Variants in ANKRD28 observed in about 807,000 individuals in gnomAD.
The protein encoded by ANKRD28 is ankyrin repeat domain 28.
A neutral mutation model predicts 126.5 loss-of-function variants in ANKRD28; 44 were observed. The ratio of observed to expected loss-of-function variants is 0.35; its 90% CI spans 0.27 to 0.45. The LOEUF is 0.45. ANKRD28 is among the 20% of genes least tolerant of loss of function. ANKRD28 has a pLI of 1.00. For missense variants in ANKRD28, 1,110 were observed against 1,316.6 expected, an observed-to-expected ratio of 0.84 and a Z score of 2.43; for synonymous variants, 442 against 468.5, an observed-to-expected ratio of 0.94 and a Z score of 0.73.
chr3:15,832,527 C>T (rs1559582677), intron 1 of ANKRD28, among the ~76,000 whole-genome samples: 1 of 152,192 alleles, frequency 6.6e-6, no homozygotes, highest in Non-Finnish European at 1.5e-5. Flanking sequence ...GCACTTACTG[C>T]ATTGTGATGA....
At chr3:15,792,875 TAAG>T (rs1304989865) in intron 2 of ANKRD28, among the ~76,000 whole-genome samples, 3 of 152,110 alleles carry the variant, frequency 2.0e-5, no homozygotes, top group African/African-American at 7.2e-5. Flanking sequence ...CCCACTAAAA[TAAG>T]AAGAAAAATC....
rs546134537 is a variant in ANKRD28 at position 15,670,424 on chromosome 3, T to A, written c.3098A>T (p.Tyr1033Phe). ...GCTGACTGTTTTTGAGGTGTTGGTA[T>A]AACGGTTAATGGCATTGAATGTTAA... Reference protein sequence around the residue: ...SSLTFNAINRYTNTSKTVSFE... With the variant: ...SSLTFNAINRFTNTSKTVSFE... Residue 1033 changes from tyrosine (Y) to phenylalanine (F), a missense_variant, in exon 28 of 28, where the codon TAT (tyrosine) becomes TTT (phenylalanine). Coordinates refer to ENST00000683139, the MANE Select transcript of ANKRD28 (RefSeq NM_001349278.2). 6.2e-7 allele frequency: 1 copy of A among 1,613,994 alleles called. No individual in the cohort carries two copies. Among genetic ancestry groups the A allele is most frequent in the Admixed American group, 1.7e-5 (1 of 60,024 alleles).
intron 2 of ANKRD28, among the ~76,000 whole-genome samples, chr3:15,771,635 T>C (rs2059015367): frequency 6.6e-6 from 1 of 152,148 alleles, no homozygotes; most frequent in Non-Finnish European, 1.5e-5. Flanking sequence ...CCAATCCATT[T>C]ATAAAGGATC....
chr3:15,717,260 C>T (rs891775914), intron 8 of ANKRD28, among the ~76,000 whole-genome samples: 1 of 152,062 alleles, frequency 6.6e-6, no homozygotes, highest in African/African-American at 2.4e-5. Context: ...ACTAAAGGCA[C>T]ACACAACTGG....
chr3:15,675,295 C>A (rs1320655775), intron 27 of ANKRD28, among the ~76,000 whole-genome samples: 2 of 151,964 alleles, frequency 1.3e-5, no homozygotes, highest in African/African-American at 4.8e-5. Context: ...ACAACAACAA[C>A]AAAAGAATGG....
rs145261466 is a variant in ANKRD28 at position 15,747,836 on chromosome 3, G to A, written c.351+3914C>T. On this transcript the variant is annotated intron_variant, in intron 4 of 27. Coordinates refer to ENST00000683139, the MANE Select transcript of ANKRD28 (RefSeq NM_001349278.2). Reference sequence around the variant, plus strand: ...TATTGTGTTGCTCTCTCATTTCTTAGGTCTAGTAGTCACTGTTTTATAAAT... The same window carrying A: ...TATTGTGTTGCTCTCTCATTTCTTAAGTCTAGTAGTCACTGTTTTATAAAT... Among the ~76,000 whole-genome samples, 610 of 152,218 alleles carry A rather than the reference G, an allele frequency of 4.0e-3. 1 individual carries two copies. Among genetic ancestry groups the A allele is most frequent in the East Asian group, 0.023 (118 of 5,182 alleles).
intron 1 of ANKRD28, among the ~76,000 whole-genome samples, chr3:15,825,809 CA>C (rs948271339): frequency 6.6e-5 from 10 of 151,992 alleles, no homozygotes; most frequent in Non-Finnish European, 1.2e-4. Context: ...AGGCAATTCA[CA>C]AAAAACATCT....
rs141030199 is a variant in ANKRD28 at position 15,701,002 on chromosome 3, C to T, written c.1548-4757G>A. ...TGATAATTTGTTTGGTATTCAAATA[C>T]GTCTACCCAAATATTAAACTACCTG... On this transcript the variant is annotated intron_variant, in intron 14 of 27. Transcript: ENST00000683139. Among the ~76,000 whole-genome samples, 5 of 152,218 alleles carry T rather than the reference C, an allele frequency of 3.3e-5. No individual in the cohort carries two copies. The East Asian group carries it at 7.7e-4, about 24-fold the overall frequency.
chr3:15,676,490 A>G (rs1460796698), intron 26 of ANKRD28: 1 of 156,172 alleles, frequency 6.4e-6, no homozygotes, highest in Non-Finnish European at 1.4e-5. Flanking sequence ...ATCTTTACTA[A>G]ACCTCAAAAT....
At chr3:15,728,745 G>T (rs2074368859) in intron 6 of ANKRD28, among the ~76,000 whole-genome samples, 1 of 152,134 alleles carries the variant, frequency 6.6e-6, no homozygotes, top group Non-Finnish European at 1.5e-5. Context: ...GGTTTCTTGG[G>T]CTTGTTTCTT....
intron 3 of ANKRD28, among the ~76,000 whole-genome samples, chr3:15,753,942 C>CA (rs2058019354): frequency 6.6e-6 from 1 of 152,048 alleles, no homozygotes; most frequent in East Asian, 1.9e-4. Context: ...GACTCTGTCT[C>CA]AAAAAACAGA....
intron 3 of ANKRD28, among the ~76,000 whole-genome samples, chr3:15,761,955 G>A (rs1413588955): frequency 6.6e-6 from 1 of 152,020 alleles, no homozygotes; most frequent in Non-Finnish European, 1.5e-5. Context: ...GGAGGCCGTG[G>A]TGGGTGGATC....
chr3:15,803,029 C>T lies in ANKRD28; in HGVS notation c.28-7723G>A, dbSNP rs138329583. On this transcript the variant is annotated intron_variant, in intron 1 of 27. Transcript: ENST00000399451. ...TGGCCCATGTGGCTGGGGAAGCAATCATGAGGGACAATATCACATGCAGTT... is the reference window on the plus strand; with the variant it reads ...TGGCCCATGTGGCTGGGGAAGCAATTATGAGGGACAATATCACATGCAGTT... Among the ~76,000 whole-genome samples, 663 of 152,266 alleles carry T rather than the reference C, an allele frequency of 4.4e-3. 6 individuals are homozygous for T. The highest frequency in any genetic ancestry group is 0.015 in the African/African-American group (615 of 41,542).
Position 15,728,104 on chromosome 3 carries a change from C to T in ANKRD28, c.641-3580G>A, listed in dbSNP as rs528227851. On this transcript the variant is annotated intron_variant, in intron 6 of 27. Coordinates refer to ENST00000683139, the MANE Select transcript of ANKRD28 (RefSeq NM_001349278.2). ...CAACCATTCACATTGAGGCAAAACT[C>T]TCCATTATCAGAGATTGTGACTTGC... 3.3e-5 allele frequency among the ~76,000 whole-genome samples: 5 copies of T among 152,278 alleles called. No individual in the cohort carries two copies. The East Asian group carries it at 9.6e-4, about 29-fold the overall frequency.
At chr3:15,852,552 C>T (rs574286976) in intron 1 of ANKRD28, among the ~76,000 whole-genome samples, 7 of 152,038 alleles carry the variant, frequency 4.6e-5, no homozygotes, top group Middle Eastern at 3.4e-3. Context: ...TGTCAACTTA[C>T]GCCGGGCATG....
intron 4 of ANKRD28, among the ~76,000 whole-genome samples, chr3:15,741,697 C>CTTTTTT (rs58655271): frequency 9.8e-4 from 33 of 33,660 alleles, no homozygotes; most frequent in African/African-American, 2.9e-3. Flanking sequence ...TGGTTCTATC[C>CTTTTTT]TTTTTTTTTT....
At chr3:15,804,276 G>A (rs1241418192) in intron 1 of ANKRD28, among the ~76,000 whole-genome samples, 1 of 145,260 alleles carries the variant, frequency 6.9e-6, no homozygotes, top group Admixed American at 6.8e-5. Flanking sequence ...GACTATACCT[G>A]CTACCAAGTC....
chr3:15,720,671 ATTTTTTTCAAT>A (rs2073626057), intron 8 of ANKRD28, among the ~76,000 whole-genome samples: 2 of 151,960 alleles, frequency 1.3e-5, no homozygotes, highest in Non-Finnish European at 2.9e-5. Context: ...AATTGTTGTG[ATTTTTTTCAAT>A]TATAGATTCT....
At chr3:15,786,865 C>T (rs1400922270) in intron 2 of ANKRD28, among the ~76,000 whole-genome samples, 1 of 152,008 alleles carries the variant, frequency 6.6e-6, no homozygotes, top group African/African-American at 2.4e-5. Flanking sequence ...TAAACATATG[C>T]ACTAAAATTG....
Sources: gnomAD v4.1 joint callset for allele counts (sites outside exome capture counted in the v4.1 genomes callset) on GRCh38, gnomAD v4.1.1 for gene constraint, MANE v1.5 for transcripts, NCBI Gene and HGNC (gene_info 2026-07-23, HGNC 2026-07-21) for gene names.